Variants in PCSK5 observed in about 807,000 individuals in gnomAD.
The protein encoded by PCSK5 is proprotein convertase subtilisin/kexin type 5.
In PCSK5, 129 loss-of-function variants were observed where a neutral mutation model predicts 233.2. The ratio of observed to expected loss-of-function variants is 0.55; its 90% CI spans 0.48 to 0.64. The LOEUF (loss-of-function observed/expected upper bound fraction) is 0.64, where lower values mean the gene tolerates loss of function less well. PCSK5 is among the 30% of genes least tolerant of loss of function. PCSK5 has a pLI of 0.00. For missense variants in PCSK5, 2,076 were observed against 2,430.1 expected (o/e 0.85, Z 3.06); for synonymous variants, 825 against 879.2 (o/e 0.94, Z 1.09).
chr9:76,210,986 C>T (rs1825309261), intron 20 of PCSK5, among the ~76,000 whole-genome samples: 5 of 152,080 alleles, frequency 3.3e-5, no homozygotes, highest in African/African-American at 1.2e-4. Context: ...ATTGGAAGCA[C>T]AGGAGGGGTA....
At chr9:76,321,294 C>T in intron 30 of PCSK5, 128 bp from the exon 31 acceptor site, 2 of 609,090 alleles carry the variant, frequency 3.3e-6, no homozygotes, top group Non-Finnish European at 5.9e-6. Flanking sequence ...CTTATAAATC[C>T]CATGGATGCC....
chr9:76,119,855 C>T (rs941010722), intron 9 of PCSK5, among the ~76,000 whole-genome samples: 1 of 151,870 alleles, frequency 6.6e-6, no homozygotes, highest in African/African-American at 2.4e-5. Flanking sequence ...CTATAGTCAC[C>T]CTGCTGTGCC....
chr9:76,176,021 CA>C (rs5898456), intron 14 of PCSK5, among the ~76,000 whole-genome samples: 55,558 of 147,658 alleles, frequency 0.38, 10,603 homozygotes, highest in African/African-American at 0.45. Context: ...GTTGTTTTGA[CA>C]AAAAAAAAAA....
chr9:76,282,064 C>CTT (rs570775997), intron 24 of PCSK5, among the ~76,000 whole-genome samples: 869 of 83,142 alleles, frequency 0.01, 5 homozygotes, highest in African/African-American at 0.036. Context: ...TTTTTTCTTT[C>CTT]TTTTTTTTTT....
At chr9:76,156,501 G>A (rs1186869173) in intron 10 of PCSK5, among the ~76,000 whole-genome samples, 4 of 152,198 alleles carry the variant, frequency 2.6e-5, no homozygotes, top group Non-Finnish European at 5.9e-5. Context: ...AGCATCTCTT[G>A]TATGTAAGTT....
At chr9:76,052,858 G>C (rs1347209509) in intron 5 of PCSK5, among the ~76,000 whole-genome samples, 1 of 152,166 alleles carries the variant, frequency 6.6e-6, no homozygotes, top group African/African-American at 2.4e-5. Context: ...TGGGGTACAG[G>C]CATGGGTAAA....
At position 75,947,516 on chromosome 9, in the gene PCSK5, CA is replaced by C. The variant is rs1393921563; in HGVS notation, c.297+15037del. 4.6e-5 allele frequency among the ~76,000 whole-genome samples: 7 copies of C among 151,774 alleles called. No homozygotes were observed. The East Asian group carries it at 1.4e-3, about 29-fold the overall frequency. ...AAAAATTAAAAAAAAAAAGAACCAACAAAAGTGCAAAAGACTAACAGAGTAA... is the reference window on the plus strand; with the variant it reads ...AAAAATTAAAAAAAAAAAGAACCAACAAAGTGCAAAAGACTAACAGAGTAA... On this transcript the variant is annotated intron_variant, in intron 2 of 37. Coordinates refer to ENST00000674117, the MANE Select transcript of PCSK5 (RefSeq NM_001372043.1).
intron 37 of PCSK5, among the ~76,000 whole-genome samples, chr9:76,357,580 TAA>T (rs1389057184): frequency 1.3e-5 from 2 of 152,230 alleles, no homozygotes; most frequent in African/African-American, 2.4e-5. Context: ...TGATAGGATT[TAA>T]AGATAGTACT....
chr9:76,200,884 C>G (rs1015816951), intron 20 of PCSK5, among the ~76,000 whole-genome samples: 3 of 152,296 alleles, frequency 2.0e-5, no homozygotes, highest in African/African-American at 7.2e-5. Context: ...ATGTCATCAA[C>G]CCTCTTTTCA....
At chr9:76,040,285 A>C (rs1425595653) in intron 5 of PCSK5, among the ~76,000 whole-genome samples, 1 of 150,974 alleles carries the variant, frequency 6.6e-6, no homozygotes, top group East Asian at 2.0e-4. Context: ...TATTAAGAGC[A>C]TAAGCCAAGT....
intron 24 of PCSK5, among the ~76,000 whole-genome samples, chr9:76,284,305 T>G (rs1564155677): frequency 1.3e-5 from 2 of 152,036 alleles, no homozygotes; most frequent in African/African-American, 4.8e-5. Context: ...AGGGACCCGG[T>G]GGGGGGTAAC....
At chr9:76,187,316 A>G (rs1163722559) in intron 17 of PCSK5, among the ~76,000 whole-genome samples, 1 of 152,002 alleles carries the variant, frequency 6.6e-6, no homozygotes, top group Non-Finnish European at 1.5e-5. Flanking sequence ...TTTTCTCACT[A>G]TGTTTCCAAT....
chr9:76,358,330 A>G (rs1830353533), intron 37 of PCSK5, among the ~76,000 whole-genome samples, 183 bp from the exon 38 acceptor site: 1 of 152,132 alleles, frequency 6.6e-6, no homozygotes, highest in Non-Finnish European at 1.5e-5. Context: ...ACATAGTGAG[A>G]TGCTGTCTCT....
At chr9:75,971,395 C>T (rs769052337) in intron 2 of PCSK5, among the ~76,000 whole-genome samples, 8 of 152,172 alleles carry the variant, frequency 5.3e-5, no homozygotes, top group South Asian at 2.1e-4. Context: ...AGTGAACATA[C>T]GCATGTATGT....
intron 24 of PCSK5, among the ~76,000 whole-genome samples, chr9:76,279,487 C>T (rs1405846799): frequency 6.6e-6 from 1 of 152,012 alleles, no homozygotes; most frequent in Non-Finnish European, 1.5e-5. Context: ...GGAATCGCCA[C>T]ACTGACTTCC....
chr9:76,134,046 ACT>A (rs141353765), intron 9 of PCSK5, 61 bp from the exon 10 acceptor site: 200,698 of 1,040,880 alleles, frequency 0.19, 22,074 homozygotes, highest in Middle Eastern at 0.26. Flanking sequence ...TTTGCTTGTG[ACT>A]CTCTGCTTCC....
chr9:75,968,853 G>A (rs1457301457), intron 2 of PCSK5, among the ~76,000 whole-genome samples: 1 of 152,186 alleles, frequency 6.6e-6, no homozygotes, highest in Non-Finnish European at 1.5e-5. Flanking sequence ...AACTTCGTGT[G>A]ACCTTCTTTA....
intron 2 of PCSK5, among the ~76,000 whole-genome samples, chr9:75,944,957 A>G (rs1299279674): frequency 2.6e-5 from 4 of 151,944 alleles, no homozygotes; most frequent in African/African-American, 9.7e-5. Context: ...TAAAAATACA[A>G]AATTAGCCGG....
At chr9:76,265,756 A>G (rs2131366239) in intron 24 of PCSK5, among the ~76,000 whole-genome samples, 1 of 152,324 alleles carries the variant, frequency 6.6e-6, no homozygotes, top group African/African-American at 2.4e-5. Flanking sequence ...AATAGTTCCA[A>G]AAAATGTATG....
Sources: gnomAD v4.1 joint callset for allele counts (sites outside exome capture counted in the v4.1 genomes callset) on GRCh38, gnomAD v4.1.1 for gene constraint, MANE v1.5 for transcripts, NCBI Gene and HGNC (gene_info 2026-07-23, HGNC 2026-07-21) for gene names.